Variants in AGAP1 observed in about 807,000 individuals in gnomAD.
AGAP1 encodes the protein arf-GAP with GTPase, ANK repeat and PH domain-containing protein 1.
Under a neutral mutation model 105.3 loss-of-function variants are expected in AGAP1, and 29 were observed. The observed-to-expected ratio is 0.28, with a 90% CI of 0.21 to 0.38. The LOEUF (loss-of-function observed/expected upper bound fraction) is 0.38. Among genes scored for constraint, AGAP1 ranks in the 10% least tolerant of loss-of-function variants. The probability of loss-of-function intolerance (pLI) is 1.00; values close to 1 mark genes in which losing one functional copy is unlikely to be tolerated. For missense variants in AGAP1, 998 were observed against 1,165.1 expected (o/e 0.86, Z 2.09); for synonymous variants, 509 against 485.9 (o/e 1.05, Z -0.63).
In AGAP1 at chr2:235,988,127, C is replaced by T. The variant is rs2055400451; in HGVS notation, c.1645+19504C>T. ...GCATGATCTCGGCTCACTGAAGCCTCCACCTCCAAAGTTCAAGTGATTCTC... is the reference window on the plus strand; with the variant it reads ...GCATGATCTCGGCTCACTGAAGCCTTCACCTCCAAAGTTCAAGTGATTCTC... On this transcript the variant is annotated intron_variant, in intron 13 of 17. Transcript: ENST00000304032. This position sits in a 1 kb window ranked among gnomAD's most constrained non-coding sequence, Gnocchi z 4.7. 6.6e-6 allele frequency among the ~76,000 whole-genome samples: 1 copy of T among 152,126 alleles called. No homozygotes were observed. Among genetic ancestry groups the T allele is most frequent in the African/African-American group, 2.4e-5 (1 of 41,420 alleles).
chr2:235,904,880 T>C lies in AGAP1; in HGVS notation c.1156-3858T>C, dbSNP rs2051227712. ...GTGTGAAGCGCTGAGTCGGAGGGCTTTTATTGAGTAGGAAATGCATTTTGT... is the reference window on the plus strand; with the variant it reads ...GTGTGAAGCGCTGAGTCGGAGGGCTCTTATTGAGTAGGAAATGCATTTTGT... On this transcript the variant is annotated intron_variant, in intron 10 of 17. Coordinates refer to ENST00000304032, the MANE Select transcript of AGAP1 (RefSeq NM_001037131.3). The surrounding 1 kb of genome is among the most constrained non-coding windows in gnomAD (Gnocchi z 4.2). Among the ~76,000 whole-genome samples, 2 of 152,192 alleles carry C rather than the reference T, an allele frequency of 1.3e-5. No homozygotes were observed. Among genetic ancestry groups the C allele is most frequent in the South Asian group, 4.1e-4 (2 of 4,836 alleles).
intron 1 of AGAP1, among the ~76,000 whole-genome samples, chr2:235,539,775 G>A (rs554662629): frequency 6.6e-6 from 1 of 152,290 alleles, no homozygotes; most frequent in South Asian, 2.1e-4. Flanking sequence ...GGGGTCACGG[G>A]TGTTAGTTCT....
At chr2:236,098,620 C>CTTTTT (rs34419216) in intron 16 of AGAP1, among the ~76,000 whole-genome samples, 12 of 115,230 alleles carry the variant, frequency 1.0e-4, no homozygotes, top group Admixed American at 2.7e-4. Flanking sequence ...TCTTTTTTTC[C>CTTTTT]TTTTTTTTTT....
rs2051416767 is a variant in AGAP1, at chr2:235,908,522, G to GATT, written c.1156-214_1156-212dup. 6.6e-6 allele frequency among the ~76,000 whole-genome samples: 1 copy of GATT among 152,136 alleles called. No individual in the cohort carries two copies. Among genetic ancestry groups the GATT allele is most frequent in the South Asian group, 2.1e-4 (1 of 4,800 alleles). ...TCTCTCCTTACATCTCTAGGTCCTG[G>GATT]ATTAGTTCAGGACACAGAAGCAAAA... On this transcript the variant is annotated intron_variant, in intron 10 of 17. Transcript: ENST00000304032. This position sits in a 1 kb window ranked among gnomAD's most constrained non-coding sequence, Gnocchi z 4.4.
At position 236,104,030 on chromosome 2, in the gene AGAP1, G is replaced by A. The variant is rs188222093; in HGVS notation, c.2115-16162G>A. On this transcript the variant is annotated intron_variant, in intron 16 of 17. Coordinates refer to ENST00000304032, the MANE Select transcript of AGAP1 (RefSeq NM_001037131.3). The surrounding 1 kb of genome is among the most constrained non-coding windows in gnomAD (Gnocchi z 4.7). ...GGAGGGTTTTATCCCCTTTTTGCGGGTAGGGAAATTGAATATTCAAACCCA... is the reference window on the plus strand; with the variant it reads ...GGAGGGTTTTATCCCCTTTTTGCGGATAGGGAAATTGAATATTCAAACCCA... Among the ~76,000 whole-genome samples, 1 of 152,360 alleles carries A rather than the reference G, an allele frequency of 6.6e-6. No homozygotes were observed. Among genetic ancestry groups the A allele is most frequent in the African/African-American group, 2.4e-5 (1 of 41,592 alleles).
rs1369158967 is a variant in AGAP1 at position 235,769,699 on chromosome 2, TG to T, written c.673+19212del. On this transcript the variant is annotated intron_variant, in intron 6 of 17. Coordinates refer to ENST00000304032, the MANE Select transcript of AGAP1 (RefSeq NM_001037131.3). The surrounding 1 kb of genome is among the most constrained non-coding windows in gnomAD (Gnocchi z 4.4). The stretch of plus-strand genomic sequence containing the variant: ...CGTGGTCAAAATCTCGGGGAGGCAG[TG>T]AAAAAAAAACGAAAGCAGTGACTAA... Among the ~76,000 whole-genome samples the T allele has an allele frequency of 1.3e-5, 2 of 151,594 alleles. No homozygotes were observed. Among genetic ancestry groups the T allele is most frequent in the Non-Finnish European group, 2.9e-5 (2 of 67,878 alleles).
chr2:235,810,575 A>G (rs1208114507), intron 9 of AGAP1, among the ~76,000 whole-genome samples: 1 of 152,184 alleles, frequency 6.6e-6, no homozygotes, highest in African/African-American at 2.4e-5. Flanking sequence ...GCAGTGGCTT[A>G]TGTTAACCCC....
chr2:235,876,940 C>T (rs1490602343), intron 9 of AGAP1, among the ~76,000 whole-genome samples: 10 of 151,648 alleles, frequency 6.6e-5, no homozygotes, highest in Non-Finnish European at 1.2e-4. Flanking sequence ...CTCTGCCTCC[C>T]GGGTTCAAGC....
intron 16 of AGAP1, among the ~76,000 whole-genome samples, chr2:236,052,390 G>A (rs1316371204): frequency 6.6e-6 from 1 of 152,124 alleles, no homozygotes; most frequent in East Asian, 1.9e-4. Context: ...CCTCCAAAGA[G>A]ACCGCCGCAC....
rs1278114018 is a variant in AGAP1, at chr2:236,020,533, C to T, written c.1646-16028C>T. On this transcript the variant is annotated intron_variant, in intron 13 of 17. Transcript: ENST00000304032. This position sits in a 1 kb window ranked among gnomAD's most constrained non-coding sequence, Gnocchi z 5.0. ...ACGCCTGGGTCTCATCCCCTCTCTG[C>T]CACTTCCCAGCTGTGTGGCTTGGGA... Among the ~76,000 whole-genome samples the T allele has an allele frequency of 6.6e-6, 1 of 152,198 alleles. No individual in the cohort carries two copies. Among genetic ancestry groups the T allele is most frequent in the Non-Finnish European group, 1.5e-5 (1 of 68,048 alleles).
At position 235,792,521 on chromosome 2, in the gene AGAP1, G is replaced by A. The variant is rs1957040558; in HGVS notation, c.674-5238G>A. ...TGAGGTCGCCCTGTGGTGTGTTAGG[G>A]GCATTTAGGGGACAGTCAGGGAGAC... On this transcript the variant is annotated intron_variant, in intron 6 of 17. Coordinates refer to ENST00000304032, the MANE Select transcript of AGAP1 (RefSeq NM_001037131.3). This position sits in a 1 kb window ranked among gnomAD's most constrained non-coding sequence, Gnocchi z 5.3. Among the ~76,000 whole-genome samples, 1 of 152,176 alleles carries A rather than the reference G, an allele frequency of 6.6e-6. No homozygotes were observed. The highest frequency in any genetic ancestry group is 2.1e-4 in the South Asian group (1 of 4,828).
intron 6 of AGAP1, among the ~76,000 whole-genome samples, chr2:235,794,712 T>C (rs183004536): frequency 2.0e-5 from 3 of 152,292 alleles, no homozygotes; most frequent in African/African-American, 7.2e-5. Flanking sequence ...CCTCAGGTGA[T>C]CTGCCCGCCT....
rs1222039199 is a variant in AGAP1, at chr2:235,977,091, G to C, written c.1645+8468G>C. On this transcript the variant is annotated intron_variant, in intron 13 of 17. Transcript: ENST00000304032. The surrounding 1 kb of genome is among the most constrained non-coding windows in gnomAD (Gnocchi z 5.2). Reference sequence around the variant, plus strand: ...GCTAGACTTAGAGATTCTCTTCTGCGAGTGGGGCTCGGTTAGCACAAGCTG... The same window carrying C: ...GCTAGACTTAGAGATTCTCTTCTGCCAGTGGGGCTCGGTTAGCACAAGCTG... Among the ~76,000 whole-genome samples, 1 of 152,134 alleles carries C rather than the reference G, an allele frequency of 6.6e-6. No homozygotes were observed. The highest frequency in any genetic ancestry group is 6.5e-5 in the Admixed American group (1 of 15,280).
intron 6 of AGAP1, among the ~76,000 whole-genome samples, chr2:235,796,086 G>C (rs1043321825): frequency 1.3e-5 from 2 of 152,204 alleles, no homozygotes; most frequent in African/African-American, 4.8e-5. Context: ...TAAAGTCAGT[G>C]TGGCCATCCA....
At chr2:236,007,767 G>A (rs1027521103) in intron 13 of AGAP1, among the ~76,000 whole-genome samples, 1 of 152,242 alleles carries the variant, frequency 6.6e-6, no homozygotes, top group African/African-American at 2.4e-5. Flanking sequence ...GGAGGGCTAA[G>A]GTGGCCCCTG....
intron 11 of AGAP1, among the ~76,000 whole-genome samples, chr2:235,915,853 A>G (rs907081391): frequency 2.6e-5 from 4 of 152,236 alleles, no homozygotes; most frequent in African/African-American, 9.6e-5. Context: ...AGAGTCAAGT[A>G]TCAAGTTGGA....
At chr2:235,580,161 G>A (rs1277382671) in intron 1 of AGAP1, among the ~76,000 whole-genome samples, 3 of 152,148 alleles carry the variant, frequency 2.0e-5, no homozygotes, top group East Asian at 3.8e-4. Flanking sequence ...GTTGATGGGC[G>A]TTTGTGTCCA....
intron 1 of AGAP1, among the ~76,000 whole-genome samples, chr2:235,536,627 TCACACACACACA>T (rs370173877): frequency 0.15 from 16,604 of 108,240 alleles, 1,210 homozygotes; most frequent in Middle Eastern, 0.28. Flanking sequence ...GTCGCATCCT[TCACACACACACA>T]CACACACACA....
At chr2:235,775,563 A>G (rs1955796768) in intron 6 of AGAP1, 1 of 152,168 alleles carries the variant, frequency 6.6e-6, no homozygotes, top group Non-Finnish European at 1.5e-5. Context: ...TCTGTCTGCC[A>G]GGAGATAAAG....
Sources: allele counts gnomAD v4.1 joint callset (sites outside exome capture counted in the v4.1 genomes callset), GRCh38; gene constraint gnomAD v4.1.1; non-coding constraint Gnocchi (gnomAD v3.1); transcripts MANE v1.5; gene names NCBI Gene and HGNC (gene_info 2026-07-23, HGNC 2026-07-21).